Variants in USP9X observed in about 807,000 individuals in gnomAD.
USP9X encodes the protein ubiquitin specific peptidase 9 X-linked.
USP9X carries 7 observed loss-of-function variants against 190.3 expected under a neutral mutation model. The ratio of observed to expected loss-of-function variants is 0.04; its 90% CI spans 0.02 to 0.07. The LOEUF (loss-of-function observed/expected upper bound fraction) is 0.07, where lower values mean the gene tolerates loss of function less well. Among genes scored for constraint, USP9X ranks in the 10% least tolerant of loss-of-function variants. USP9X has a pLI of 1.00. For synonymous variants in USP9X, 645 were observed against 659.5 expected, an observed-to-expected ratio of 0.98 and a Z score of 0.34; for missense variants, 1,010 against 1,916.9, an observed-to-expected ratio of 0.53 and a Z score of 8.83.
intron 10 of USP9X, among the ~76,000 whole-genome samples, chrX:41,143,930 C>T (rs1411581127): frequency 9.0e-6 from 1 of 111,550 alleles, no homozygotes; most frequent in Non-Finnish European, 1.9e-5. Context: ...GTTTTCTAAT[C>T]GTGGATTTCT....
At position 41,233,814 on chromosome X, in the gene USP9X, C is replaced by T. The variant is rs1368068614; in HGVS notation, c.*1290C>T. 2 of 112,101 alleles carry T rather than the reference C, an allele frequency of 1.8e-5. No individual in the cohort carries two copies. The highest frequency in any genetic ancestry group is 2.8e-4 in the East Asian group (1 of 3,628). 9.2% of individuals were successfully genotyped at this position (112,101 alleles called of 1,213,427 possible). On this transcript the variant is annotated 3_prime_UTR_variant, in exon 45 of 45. Coordinates refer to ENST00000378308, the MANE Select transcript of USP9X (RefSeq NM_001039591.3). ...ATTAAAAATAAGGAAATCCTCAGTT[C>T]ATACTGTATTTAAAAGAGAATTGGT...
chrX:41,189,825 G>A (rs1350965601), intron 26 of USP9X: 1 of 128,447 alleles, frequency 7.8e-6, no homozygotes, highest in African/African-American at 3.2e-5. Context: ...TTTTTTTAAA[G>A]CCAAACAGAA....
chrX:41,217,176 T>A (rs760217429), intron 35 of USP9X, 44 bp from the exon 36 acceptor site: 182 of 1,156,338 alleles, frequency 1.6e-4, no homozygotes, highest in Non-Finnish European at 2.0e-4. Flanking sequence ...GAAAATGGGG[T>A]TGGAAAATAA....
intron 44 of USP9X, among the ~76,000 whole-genome samples, 171 bp from the exon 45 acceptor site, chrX:41,232,216 C>G (rs1192356451): frequency 3.1e-5 from 1 of 31,845 alleles, no homozygotes; most frequent in Non-Finnish European, 5.7e-5. Flanking sequence ...GTTTTTCAAG[C>G]CTTTTTTTGT....
chrX:41,174,159 ATGT>A (rs2062752886), intron 21 of USP9X, among the ~76,000 whole-genome samples: 1 of 112,166 alleles, frequency 8.9e-6, no homozygotes, highest in African/African-American at 3.2e-5. Flanking sequence ...ACACCCTATG[ATGT>A]TCACACAATG....
At chrX:41,191,135 G>A (rs772202780) in intron 26 of USP9X, among the ~76,000 whole-genome samples, 2 of 110,080 alleles carry the variant, frequency 1.8e-5, no homozygotes, top group Non-Finnish European at 3.8e-5. Flanking sequence ...CCAGACCAGC[G>A]TGGCCAACAT....
intron 15 of USP9X, among the ~76,000 whole-genome samples, chrX:41,163,500 C>G (rs1282150047): frequency 2.7e-5 from 3 of 110,629 alleles, no homozygotes; most frequent in African/African-American, 9.9e-5. Context: ...ACCTGTAATC[C>G]CAACACTTGG....
intron 1 of USP9X, among the ~76,000 whole-genome samples, chrX:41,093,645 C>T (rs892372008): frequency 2.7e-5 from 3 of 112,152 alleles, no homozygotes; most frequent in African/African-American, 9.7e-5. Flanking sequence ...GCCTGGCCTA[C>T]CTGGAGGTCT....
Position 41,167,594 on chromosome X carries a change from A to C in USP9X, c.2424+17A>C, listed in dbSNP as rs1276742398. Reference sequence around the variant, plus strand: ...GTCAATCAGGTGAGGATTGATGTGCATTAAAACTTCCATATATAATTCTTT... The same window carrying C: ...GTCAATCAGGTGAGGATTGATGTGCCTTAAAACTTCCATATATAATTCTTT... On this transcript the variant is annotated intron_variant, in intron 17 of 44. Transcript: ENST00000378308. 4 of 1,110,190 alleles carry C rather than the reference A, an allele frequency of 3.6e-6. No individual in the cohort carries two copies. The highest frequency in any genetic ancestry group is 4.9e-6 in the Non-Finnish European group (4 of 817,075). The allele number at this position is 1,110,190 out of a possible 1,213,427, so 91.5% of individuals were successfully genotyped here.
chrX:41,213,881 GAAT>G (rs754918819), intron 33 of USP9X, among the ~76,000 whole-genome samples: 39 of 112,187 alleles, frequency 3.5e-4, no homozygotes, highest in African/African-American at 1.2e-3. Context: ...CTTAAACAGT[GAAT>G]ATCCCTCAGT....
intron 2 of USP9X, among the ~76,000 whole-genome samples, chrX:41,126,797 A>G (rs775327274): frequency 8.9e-6 from 1 of 111,997 alleles, no homozygotes; most frequent in African/African-American, 3.2e-5. Context: ...GCAGCAACCA[A>G]AGTGTTAATC....
chrX:41,175,772 TAC>T (rs769385399), intron 21 of USP9X, among the ~76,000 whole-genome samples: 1 of 110,105 alleles, frequency 9.1e-6, no homozygotes, highest in East Asian at 2.9e-4. Context: ...ACTATATATA[TAC>T]ACACACACAC....
chrX:41,093,413 C>T (rs1302707802), intron 1 of USP9X, among the ~76,000 whole-genome samples: 3 of 112,267 alleles, frequency 2.7e-5, no homozygotes, highest in African/African-American at 9.7e-5. Context: ...GGCGCGATCT[C>T]GGCTCACCAC....
In USP9X at chrX:41,166,145, A is replaced by G; in HGVS notation, c.2259A>G (p.Lys753=). The G allele has an allele frequency of 8.3e-7, 1 of 1,211,167 alleles. No individual in the cohort carries two copies. The change falls in exon 16 of 45, where the codon AAA becomes AAG. Residue 753 remains lysine, a synonymous_variant. Transcript: ENST00000378308. Reference sequence around the variant, plus strand: ...AAGCTGTGAATTGTCGAGAAGGAAAACTAGTAGCAAAAAGGAGAGCCTATA... The same window carrying G: ...AAGCTGTGAATTGTCGAGAAGGAAAGCTAGTAGCAAAAAGGAGAGCCTATA... ...FFKAVNCREG[K]LVAKRRAYMM... is the part of the protein sequence containing the mutation.
intron 1 of USP9X, among the ~76,000 whole-genome samples, chrX:41,119,512 G>A (rs1359774356): frequency 9.0e-6 from 1 of 111,225 alleles, no homozygotes; most frequent in Non-Finnish European, 1.9e-5. Flanking sequence ...GATTGATTGG[G>A]GATGATGATG....
intron 1 of USP9X, among the ~76,000 whole-genome samples, chrX:41,117,938 A>G (rs1168052037): frequency 9.1e-6 from 1 of 109,405 alleles, no homozygotes; most frequent in African/African-American, 3.3e-5. Flanking sequence ...GCTCACTGCA[A>G]CCTCTGCCTT....
intron 14 of USP9X, among the ~76,000 whole-genome samples, chrX:41,155,900 C>T (rs779344241): frequency 3.6e-5 from 4 of 111,878 alleles, no homozygotes; most frequent in Admixed American, 9.5e-5. Context: ...ATCATGTTGA[C>T]ATGTCAAAAG....
chrX:41,163,044 GT>G (rs764936771), intron 15 of USP9X, among the ~76,000 whole-genome samples, 167 bp downstream of exon 15: 1 of 112,327 alleles, frequency 8.9e-6, no homozygotes, highest in East Asian at 2.8e-4. Context: ...GATTCGCTGA[GT>G]TTTAACTTTG....
chrX:41,099,093 ATTGT>A (rs2062014608), intron 1 of USP9X, among the ~76,000 whole-genome samples: 1 of 47,340 alleles, frequency 2.1e-5, no homozygotes, highest in Admixed American at 3.2e-4. Flanking sequence ...TGCCCAGATA[ATTGT>A]TTTTTTTTTT....
Sources: gnomAD v4.1 joint callset for allele counts (sites outside exome capture counted in the v4.1 genomes callset) on GRCh38, gnomAD v4.1.1 for gene constraint, MANE v1.5 for transcripts, NCBI Gene and HGNC (gene_info 2026-07-23, HGNC 2026-07-21) for gene names.